The following MYH11 variants were observed in gnomAD, a reference collection of about 807,000 sequenced individuals.
MYH11 encodes myosin-11.
In MYH11, 80 loss-of-function variants were observed where a neutral mutation model predicts 246.6. The ratio of observed to expected loss-of-function variants is 0.32; its 90% CI spans 0.27 to 0.39. MYH11 has a LOEUF of 0.39. Among genes scored for constraint, MYH11 ranks in the 10% least tolerant of loss-of-function variants. The probability of loss-of-function intolerance (pLI) is 1.00; values close to 1 mark genes in which losing one functional copy is unlikely to be tolerated. For missense variants in MYH11, 2,158 were observed against 2,546.8 expected (o/e 0.85, Z 3.29); for synonymous variants, 1,071 against 1,015.5 (o/e 1.05, Z -1.04).
At chr16:15,776,996 G>C (rs980379532) in intron 7 of MYH11, among the ~76,000 whole-genome samples, 2 of 152,116 alleles carry the variant, frequency 1.3e-5, no homozygotes, top group African/African-American at 4.8e-5. Context: ...TCTTCTTCAA[G>C]TCCTAAAGCC....
At chr16:15,725,397 C>G (rs537326934) in intron 28 of MYH11, 3 of 519,338 alleles carry the variant, frequency 5.8e-6, no homozygotes, top group African/African-American at 5.8e-5. Context: ...GAAGGGAGAC[C>G]AGGATGGTAC....
chr16:15,720,809 C>T (rs773041916), intron 33 of MYH11, 30 bp downstream of exon 33: 1 of 1,608,498 alleles, frequency 6.2e-7, no homozygotes, highest in Non-Finnish European at 8.5e-7. Flanking sequence ...CACCCGACCT[C>T]CCTCTGCTGG....
intron 37 of MYH11, 194 bp downstream of exon 37, chr16:15,718,116 TGGAGA>T: frequency 1.3e-6 from 1 of 791,608 alleles, no homozygotes; most frequent in Non-Finnish European, 2.0e-6. Flanking sequence ...CACTGCAGCG[TGGAGA>T]GGAGTATTCT....
chr16:15,837,900 A>C lies in MYH11; in HGVS notation c.345+8T>G, dbSNP rs1278740271. The C allele has an allele frequency of 6.2e-7, 1 of 1,612,790 alleles. No individual in the cohort carries two copies. Among genetic ancestry groups the C allele is most frequent in the African/African-American group, 1.3e-5 (1 of 74,862 alleles). ...AGGAGTAGGTACCTGGCTGCCTGCA[A>C]TACTCACATATATTAGCCCTGAGAA... On this transcript the variant is annotated splice_region_variant and intron_variant, in intron 2 of 40. Transcript: ENST00000300036.
chr16:15,723,390 T>C (rs1272339007), intron 31 of MYH11, among the ~76,000 whole-genome samples: 1 of 152,200 alleles, frequency 6.6e-6, no homozygotes, highest in Non-Finnish European at 1.5e-5. Context: ...CTCATACCTA[T>C]AATCCCAGCA....
chr16:15,707,744 C>T (rs58062082), intron 40 of MYH11, among the ~76,000 whole-genome samples: 29 of 152,056 alleles, frequency 1.9e-4, no homozygotes, highest in Non-Finnish European at 3.7e-4. Context: ...GGCCAAGGCG[C>T]GCGGATCACC....
In MYH11 at chr16:15,720,290, A is replaced by G; in HGVS notation, c.4814T>C (p.Leu1605Pro). 2 of 1,614,078 alleles carry G rather than the reference A, an allele frequency of 1.2e-6. No homozygotes were observed. The highest frequency in any genetic ancestry group is 1.7e-6 in the Non-Finnish European group (2 of 1,179,996). ...GGCACGTTGCTTTCGCTCGTCTTCC[A>G]GTTCCGTCTCATACTCGTGAAGCTG... Reference protein sequence around the residue: ...QRQLHEYETELEDERKQRALA... With the variant: ...QRQLHEYETEPEDERKQRALA... The change falls in exon 34 of 41, where the codon CTG (leucine) becomes CCG (proline). Residue 1605 changes from leucine to proline, a missense_variant. Leu to Pro is a moderately conservative substitution (Grantham distance 98). Around this residue, in one of 11 missense-constraint regions of MYH11, gnomAD observed 1,013 missense variants for 993.5 expected, o/e 1.02. Transcript: ENST00000300036.
chr16:15,838,853 T>TGC (rs1205845147), intron 1 of MYH11, among the ~76,000 whole-genome samples: 11 of 43,928 alleles, frequency 2.5e-4, no homozygotes, highest in East Asian at 1.0e-3. Flanking sequence ...CCAGACTCCA[T>TGC]CTCAAAAAAA....
At chr16:15,839,484 G>A (rs1452846451) in intron 1 of MYH11, among the ~76,000 whole-genome samples, 2 of 151,664 alleles carry the variant, frequency 1.3e-5, no homozygotes, top group African/African-American at 2.4e-5. Context: ...CCTGAGGTCA[G>A]GAGTTCAAGA....
At chr16:15,789,961 T>C (rs1247865352) in intron 4 of MYH11, among the ~76,000 whole-genome samples, 1 of 152,182 alleles carries the variant, frequency 6.6e-6, no homozygotes, top group Non-Finnish European at 1.5e-5. Flanking sequence ...CCCACAATAG[T>C]TCCTTCCTTT....
intron 3 of MYH11, among the ~76,000 whole-genome samples, chr16:15,809,869 C>T (rs948753154): frequency 3.3e-5 from 5 of 151,514 alleles, no homozygotes; most frequent in African/African-American, 4.8e-5. Flanking sequence ...CTCAGGTGAG[C>T]CGAGATCACA....
chr16:15,845,283 T>G (rs1318088111), intron 1 of MYH11, among the ~76,000 whole-genome samples: 1 of 142,472 alleles, frequency 7.0e-6, no homozygotes, highest in Non-Finnish European at 1.5e-5. Flanking sequence ...TAAAACAGTA[T>G]GATATTTTTT....
chr16:15,747,425 C>A, intron 19 of MYH11, 145 bp downstream of exon 19: 1 of 992,642 alleles, frequency 1.0e-6, no homozygotes. Context: ...AAAGTAGAAG[C>A]ATTTCTTCCC....
At chr16:15,847,246 CTTT>C (rs545966682) in intron 1 of MYH11, among the ~76,000 whole-genome samples, 111 of 112,248 alleles carry the variant, frequency 9.9e-4, no homozygotes, top group Admixed American at 1.2e-3. Flanking sequence ...AAGTGGACTT[CTTT>C]TTTTTTTTTT....
chr16:15,718,041 G>A (rs113638033), intron 37 of MYH11: 259 of 546,152 alleles, frequency 4.7e-4, no homozygotes, highest in African/African-American at 4.3e-3. Flanking sequence ...AGCATCCCAA[G>A]GCCCGGACTC....
intron 8 of MYH11, 79 bp downstream of exon 8, chr16:15,775,999 T>C (rs933481555): frequency 4.3e-5 from 46 of 1,060,528 alleles, no homozygotes; most frequent in Non-Finnish European, 6.1e-5. Flanking sequence ...ACTGTTTTAA[T>C]AGCCAATCCC....
chr16:15,734,329 C>T (rs1461730198), intron 26 of MYH11, among the ~76,000 whole-genome samples: 1 of 151,788 alleles, frequency 6.6e-6, no homozygotes, highest in Non-Finnish European at 1.5e-5. Flanking sequence ...GAGTCTCACT[C>T]ACTGTGTCAC....
rs28570191 is a variant in MYH11, at chr16:15,838,118, G to A, written c.135C>T (p.Phe45=). The A allele has an allele frequency of 8.9e-3, 14,371 of 1,613,950 alleles. 780 individuals are homozygous for A. In the African/African-American group the frequency reaches 0.14, roughly 16 times the overall value. ...TCTCCTCCTTAATGCTGGCTGCCTC[G>A]AAGCCCTGCTTCTCCGAGGGGACCC... ...LVWVPSEKQG[F]EAASIKEEKG... The change falls in exon 2 of 41, where the codon TTC becomes TTT. Residue 45 remains phenylalanine, a synonymous_variant. Transcript: ENST00000300036.
chr16:15,800,425 TAGGA>T (rs1422054263), intron 3 of MYH11, among the ~76,000 whole-genome samples: 1 of 149,590 alleles, frequency 6.7e-6, no homozygotes, highest in African/African-American at 2.5e-5. Flanking sequence ...GATGGATAGA[TAGGA>T]AGAAAGAAAG....
Sources: allele counts gnomAD v4.1 joint callset (sites outside exome capture counted in the v4.1 genomes callset), GRCh38; gene constraint gnomAD v4.1.1; regional missense constraint gnomAD v4.1.1; transcripts MANE v1.5; gene names NCBI Gene and HGNC (gene_info 2026-07-23, HGNC 2026-07-21).